The following ADGRL4 variants were observed in gnomAD, a reference collection of about 807,000 sequenced individuals.
The protein encoded by ADGRL4 is EGF, latrophilin and seven transmembrane domain containing 1.
A neutral mutation model predicts 74.8 loss-of-function variants in ADGRL4; 90 were observed. That is an observed-to-expected ratio of 1.20 (90% CI 1.02 to 1.43). ADGRL4 has a LOEUF of 1.43. ADGRL4 is among the 40% of genes most tolerant of loss of function. ADGRL4 has a pLI of 0.00. For missense variants in ADGRL4, 881 were observed against 814.3 expected, an observed-to-expected ratio of 1.08 and a Z score of -1.00; for synonymous variants, 311 against 279.2, an observed-to-expected ratio of 1.11 and a Z score of -1.14.
chr1:78,917,439 A>G (rs955451255), intron 12 of ADGRL4, among the ~76,000 whole-genome samples, 195 bp downstream of exon 12: 1 of 150,884 alleles, frequency 6.6e-6, no homozygotes, highest in Non-Finnish European at 1.5e-5. Context: ...ATATTAAAAA[A>G]TGTATAAAAG....
At chr1:78,893,730 A>T (rs778411613) in intron 12 of ADGRL4, among the ~76,000 whole-genome samples, 2 of 151,876 alleles carry the variant, frequency 1.3e-5, no homozygotes, top group Non-Finnish European at 2.9e-5. Flanking sequence ...TTTTTCCTTG[A>T]TTTAACCGTG....
At chr1:78,999,453 G>C (rs1358629446) in intron 2 of ADGRL4, among the ~76,000 whole-genome samples, 3 of 152,114 alleles carry the variant, frequency 2.0e-5, no homozygotes, top group Non-Finnish European at 2.9e-5. Flanking sequence ...GGCGCCTGTA[G>C]TCCTAGCTAC....
At chr1:78,906,797 A>T (rs890293081) in intron 12 of ADGRL4, among the ~76,000 whole-genome samples, 3 of 152,022 alleles carry the variant, frequency 2.0e-5, no homozygotes, top group Non-Finnish European at 2.9e-5. Context: ...AAGCTAAAAT[A>T]GAACTTTCGC....
chr1:78,939,170 G>T lies in ADGRL4; in HGVS notation c.396+18C>A. 2 of 1,539,440 alleles carry T rather than the reference G, an allele frequency of 1.3e-6. No individual in the cohort carries two copies. Among genetic ancestry groups the T allele is most frequent in the Non-Finnish European group, 1.7e-6 (2 of 1,147,400 alleles). Reference sequence around the variant, plus strand: ...CCAAAATGTCAAAATAAAATAAATTGTTAACTGTTCTACTTACTTTTGTTA... The same window carrying T: ...CCAAAATGTCAAAATAAAATAAATTTTTAACTGTTCTACTTACTTTTGTTA... On this transcript the variant is annotated intron_variant, in intron 4 of 14. Transcript: ENST00000370742.
At chr1:78,978,929 A>G (rs1246717214) in intron 2 of ADGRL4, among the ~76,000 whole-genome samples, 1 of 151,860 alleles carries the variant, frequency 6.6e-6, no homozygotes, top group East Asian at 1.9e-4. Flanking sequence ...GGTATTTCAC[A>G]TTTTAATATT....
intron 12 of ADGRL4, among the ~76,000 whole-genome samples, chr1:78,913,272 C>A (rs1229570432): frequency 6.6e-6 from 1 of 151,922 alleles, no homozygotes; most frequent in Admixed American, 6.6e-5. Context: ...TTTGACCCAG[C>A]AATCCCATTA....
chr1:78,976,042 G>C (rs1650271144), intron 2 of ADGRL4, among the ~76,000 whole-genome samples: 1 of 152,010 alleles, frequency 6.6e-6, no homozygotes, highest in Admixed American at 6.6e-5. Context: ...CCAGCTTACT[G>C]CTTTGAGAGA....
chr1:78,972,354 T>C (rs1174040191), intron 2 of ADGRL4, among the ~76,000 whole-genome samples: 1 of 152,226 alleles, frequency 6.6e-6, no homozygotes, highest in African/African-American at 2.4e-5. Context: ...TAGAATTGTG[T>C]AATTCTAACA....
intron 2 of ADGRL4, among the ~76,000 whole-genome samples, chr1:78,952,366 C>T (rs1448226347): frequency 7.4e-6 from 1 of 135,240 alleles, no homozygotes; most frequent in Non-Finnish European, 1.6e-5. Context: ...CCCAATGCAG[C>T]TGCTGGGCTC....
chr1:78,933,002 A>G (rs1649278613), intron 7 of ADGRL4, among the ~76,000 whole-genome samples: 1 of 151,400 alleles, frequency 6.6e-6, no homozygotes, highest in Non-Finnish European at 1.5e-5. Context: ...CAGAGGTGCA[A>G]AGAAGAGCTG....
chr1:78,928,129 G>A (rs1649157567), intron 7 of ADGRL4, among the ~76,000 whole-genome samples: 1 of 151,494 alleles, frequency 6.6e-6, no homozygotes, highest in African/African-American at 2.4e-5. Context: ...TGGCATCTCA[G>A]GAGTTGTAGT....
At chr1:78,929,814 C>A (rs1331193846) in intron 7 of ADGRL4, among the ~76,000 whole-genome samples, 1 of 151,422 alleles carries the variant, frequency 6.6e-6, no homozygotes, top group Non-Finnish European at 1.5e-5. Context: ...AGCTACCGTA[C>A]AATCAGACAA....
chr1:78,960,131 G>A (rs957986967), intron 2 of ADGRL4, among the ~76,000 whole-genome samples: 2 of 152,036 alleles, frequency 1.3e-5, no homozygotes, highest in African/African-American at 4.8e-5. Context: ...AGTATATCTT[G>A]CATCTTTTAA....
At chr1:78,904,224 A>T (rs1648582942) in intron 12 of ADGRL4, among the ~76,000 whole-genome samples, 1 of 151,782 alleles carries the variant, frequency 6.6e-6, no homozygotes, top group Non-Finnish European at 1.5e-5. Context: ...CCAGAGTGGT[A>T]GATCTGCTAC....
chr1:78,955,671 C>T (rs4650621), intron 2 of ADGRL4, among the ~76,000 whole-genome samples: 13,558 of 151,732 alleles, frequency 0.089, 800 homozygotes, highest in East Asian at 0.33. Flanking sequence ...ATTATTTTTG[C>T]GTAATCATTC....
chr1:78,933,611 A>G (rs1649292473), intron 7 of ADGRL4, among the ~76,000 whole-genome samples: 1 of 151,428 alleles, frequency 6.6e-6, no homozygotes, highest in South Asian at 2.1e-4. Context: ...AATAGAGGGT[A>G]TTCAAATAGG....
Position 78,914,391 on chromosome 1 carries a change from C to A in ADGRL4, c.1749+3243G>T, listed in dbSNP as rs1268265244. 2.0e-5 allele frequency among the ~76,000 whole-genome samples: 3 copies of A among 151,822 alleles called. No individual in the cohort carries two copies. The East Asian group carries it at 5.8e-4, about 29-fold the overall frequency. ...ATTTTCTTTGTCTTTCTATCATGTC[C>A]AGAGCACCCAATTAACACGGTGAAC... On this transcript the variant is annotated intron_variant, in intron 12 of 14. Coordinates refer to ENST00000370742, the MANE Select transcript of ADGRL4 (RefSeq NM_022159.4).
chr1:78,949,090 T>C (rs10157101), intron 2 of ADGRL4, among the ~76,000 whole-genome samples: 13,578 of 152,138 alleles, frequency 0.089, 805 homozygotes, highest in East Asian at 0.33. Flanking sequence ...ATTGGTAATA[T>C]AGAGGACGAT....
intron 12 of ADGRL4, among the ~76,000 whole-genome samples, chr1:78,903,016 C>A (rs1256077771): frequency 6.6e-6 from 1 of 152,054 alleles, no homozygotes; most frequent in Non-Finnish European, 1.5e-5. Context: ...AATTGGGGTA[C>A]ATGAAGAACA....
Sources: allele counts gnomAD v4.1 joint callset (sites outside exome capture counted in the v4.1 genomes callset), GRCh38; gene constraint gnomAD v4.1.1; transcripts MANE v1.5; gene names NCBI Gene and HGNC (gene_info 2026-07-23, HGNC 2026-07-21).